The following ITPR2 variants were observed in gnomAD, a reference collection of about 807,000 sequenced individuals.
The protein encoded by ITPR2 is inositol 1,4,5-trisphosphate-gated calcium channel ITPR2.
A neutral mutation model predicts 317.1 loss-of-function variants in ITPR2; 207 were observed. The ratio of observed to expected loss-of-function variants is 0.65; its 90% CI spans 0.58 to 0.73. The LOEUF (loss-of-function observed/expected upper bound fraction) is 0.73. ITPR2 is among the 30% of genes least tolerant of loss of function. ITPR2 has a pLI of 0.00. For synonymous variants in ITPR2, 1,156 were observed against 1,149.1 expected, an observed-to-expected ratio of 1.01 and a Z score of -0.12; for missense variants, 2,613 against 3,284.0, an observed-to-expected ratio of 0.80 and a Z score of 4.99.
At chr12:26,613,996 A>C (rs371549018) in intron 26 of ITPR2, among the ~76,000 whole-genome samples, 1 of 152,202 alleles carries the variant, frequency 6.6e-6, no homozygotes. Context: ...GTTCCAAAGC[A>C]TGTGGGTTCA....
chr12:26,563,370 G>C (rs1021146341), intron 34 of ITPR2, among the ~76,000 whole-genome samples: 2 of 152,176 alleles, frequency 1.3e-5, no homozygotes, highest in Non-Finnish European at 2.9e-5. Flanking sequence ...AGGAGATCGA[G>C]ACCATCCTGG....
chr12:26,515,946 C>CAA (rs34382778), intron 37 of ITPR2, among the ~76,000 whole-genome samples: 112 of 141,100 alleles, frequency 7.9e-4, no homozygotes, highest in Non-Finnish European at 1.2e-3. Context: ...TCCATCTCTA[C>CAA]AAAAAAAAAA....
chr12:26,644,454 C>T (rs1947064788), intron 21 of ITPR2, among the ~76,000 whole-genome samples: 1 of 152,180 alleles, frequency 6.6e-6, no homozygotes, highest in South Asian at 2.1e-4. Flanking sequence ...TCTATTCTCA[C>T]ACTGCTAATA....
intron 37 of ITPR2, among the ~76,000 whole-genome samples, chr12:26,515,337 C>A (rs553799695): frequency 6.6e-6 from 1 of 152,166 alleles, no homozygotes; most frequent in Non-Finnish European, 1.5e-5. Flanking sequence ...TTTTCTGGGG[C>A]AAGTGTGAAC....
intron 2 of ITPR2, among the ~76,000 whole-genome samples, chr12:26,774,591 G>A (rs907136445): frequency 1.2e-4 from 18 of 152,248 alleles, no homozygotes; most frequent in African/African-American, 3.6e-4. Flanking sequence ...TGAGCAGAGC[G>A]CAAGGCTAAC....
chr12:26,569,002 C>A (rs1945083005), intron 34 of ITPR2, among the ~76,000 whole-genome samples: 1 of 152,082 alleles, frequency 6.6e-6, no homozygotes, highest in Non-Finnish European at 1.5e-5. Context: ...CTTGATTAGT[C>A]ATCTGGAAAA....
intron 21 of ITPR2, among the ~76,000 whole-genome samples, chr12:26,652,725 T>C (rs1947285103): frequency 6.6e-6 from 1 of 152,224 alleles, no homozygotes; most frequent in African/African-American, 2.4e-5. Flanking sequence ...TTGTGACAAT[T>C]CCAAAGAGCA....
intron 37 of ITPR2, among the ~76,000 whole-genome samples, chr12:26,507,710 A>G (rs1314098642): frequency 6.6e-6 from 1 of 152,196 alleles, no homozygotes; most frequent in Non-Finnish European, 1.5e-5. Flanking sequence ...TATTTAATAA[A>G]CATTATTTGA....
chr12:26,590,758 A>C (rs1313710633), intron 32 of ITPR2, among the ~76,000 whole-genome samples: 1 of 152,158 alleles, frequency 6.6e-6, no homozygotes, highest in African/African-American at 2.4e-5. Context: ...AACCAAAGCA[A>C]AAACGGAAAA....
chr12:26,673,819 C>T (rs1947846949), intron 13 of ITPR2, among the ~76,000 whole-genome samples: 1 of 132,452 alleles, frequency 7.5e-6, no homozygotes, highest in Non-Finnish European at 1.6e-5. Flanking sequence ...CCAAAATCTC[C>T]TTAAGCTGAT....
rs1555165348 is a variant in ITPR2 at position 26,605,095 on chromosome 12, A to AAAAAAAATAAAT, written c.3463-2390_3463-2389insATTTATTTTTTT. Among the ~76,000 whole-genome samples the AAAAAAAATAAAT allele has an allele frequency of 4.7e-3, 522 of 111,198 alleles. 2 individuals are homozygous for AAAAAAAATAAAT. Among genetic ancestry groups the AAAAAAAATAAAT allele is most frequent in the South Asian group, 0.012 (46 of 3,694 alleles). The allele number at this position is 111,198 out of a possible 152,430, so 73.0% of individuals were successfully genotyped here. A position where few individuals can be genotyped will look rare whatever the true frequency, so the allele number is the denominator to read the frequency against. On this transcript the variant is annotated intron_variant, in intron 26 of 56. Coordinates refer to ENST00000381340, the MANE Select transcript of ITPR2 (RefSeq NM_002223.4). The stretch of plus-strand genomic sequence containing the variant: ...AGAGCATGACTCAGTCTCAAAAAAA[A>AAAAAAAATAAAT]AAAAAATAAAAATAAAAAATAAAAA...
intron 13 of ITPR2, among the ~76,000 whole-genome samples, chr12:26,667,790 G>C (rs1947661322): frequency 6.6e-6 from 1 of 152,092 alleles, no homozygotes; most frequent in South Asian, 2.1e-4. Context: ...CAAATATTTA[G>C]ATATCTAAGA....
chr12:26,517,049 T>C (rs1331464513), intron 37 of ITPR2, among the ~76,000 whole-genome samples: 2 of 152,138 alleles, frequency 1.3e-5, no homozygotes, highest in Non-Finnish European at 2.9e-5. Flanking sequence ...TGATGACAAG[T>C]AAGAAAACTA....
chr12:26,579,804 C>T (rs142403110), intron 33 of ITPR2, among the ~76,000 whole-genome samples: 5 of 152,126 alleles, frequency 3.3e-5, no homozygotes, highest in African/African-American at 1.2e-4. Flanking sequence ...ATATGAAGTT[C>T]TTAGTCTGCT....
At chr12:26,641,838 G>T (rs1180377902) in intron 21 of ITPR2, among the ~76,000 whole-genome samples, 2 of 152,174 alleles carry the variant, frequency 1.3e-5, no homozygotes, top group Admixed American at 1.3e-4. Flanking sequence ...AAAGCTGGGA[G>T]GTGGAATGAG....
At position 26,782,020 on chromosome 12, in the gene ITPR2, ATATATATATATATG is replaced by A. The variant is rs1235791470; in HGVS notation, c.163+8123_163+8136del. Among the ~76,000 whole-genome samples, 103 of 29,302 alleles carry A rather than the reference ATATATATATATATG, an allele frequency of 3.5e-3. No homozygotes were observed. In the Middle Eastern group the frequency reaches 0.066, roughly 19 times the overall value. The allele number at this position is 29,302 out of a possible 152,430, so 19.2% of individuals were successfully genotyped here. ...TATATATATATATATATATATATAT[ATATATATATATATG>A]TATAGAGAGAGAGAGAGAGAGAGAG... On this transcript the variant is annotated intron_variant, in intron 2 of 56. Transcript: ENST00000381340.
Position 26,419,032 on chromosome 12 carries a change from CAT to C in ITPR2, c.7110+15_7110+16del, listed in dbSNP as rs534546541. 455 of 1,606,112 alleles carry C rather than the reference CAT, an allele frequency of 2.8e-4. 1 individual carries two copies. The African/African-American group carries it at 5.5e-3, about 19-fold the overall frequency. On this transcript the variant is annotated intron_variant, in intron 50 of 56. Transcript: ENST00000381340. ...GTACTTTTTCAGCAGTGATTGTCCACATAGAGATGTACTCACCAGGAAGCTAT... is the reference window on the plus strand; with the variant it reads ...GTACTTTTTCAGCAGTGATTGTCCACAGAGATGTACTCACCAGGAAGCTAT...
chr12:26,490,380 A>G (rs1296797867), intron 39 of ITPR2, among the ~76,000 whole-genome samples: 1 of 152,250 alleles, frequency 6.6e-6, no homozygotes, highest in African/African-American at 2.4e-5. Context: ...TCACAGAACC[A>G]TTCACTTCTG....
rs139311554 is a variant in ITPR2 at position 26,407,065 on chromosome 12, C to T, written c.7399+4255G>A. Among the ~76,000 whole-genome samples, 445 of 152,304 alleles carry T rather than the reference C, an allele frequency of 2.9e-3. 1 individual carries two copies. The highest frequency in any genetic ancestry group is 5.0e-3 in the Non-Finnish European group (340 of 68,028). ...GATGGAATCCTCGCTTTCCTCCCTA[C>T]TCTGGCAGCTATCCTTACAAAATCA... On this transcript the variant is annotated intron_variant, in intron 52 of 56. Coordinates refer to ENST00000381340, the MANE Select transcript of ITPR2 (RefSeq NM_002223.4).
Sources: gnomAD v4.1 joint callset for allele counts (sites outside exome capture counted in the v4.1 genomes callset) on GRCh38, gnomAD v4.1.1 for gene constraint, MANE v1.5 for transcripts, NCBI Gene and HGNC (gene_info 2026-07-23, HGNC 2026-07-21) for gene names.